Variants in ACSF3 observed in about 807,000 individuals in gnomAD.
ACSF3 encodes the protein acyl-CoA synthetase family member 3.
ACSF3 carries 78 observed loss-of-function variants against 53.2 expected under a neutral mutation model. The ratio of observed to expected loss-of-function variants is 1.47; its 90% CI spans 1.22 to 1.77. ACSF3 has a LOEUF of 1.77. Ranked by LOEUF, ACSF3 falls within the 40% of genes most tolerant of loss-of-function variation. The pLI is 0.00. For missense variants in ACSF3, 937 were observed against 771.1 expected (o/e 1.22, Z -2.55); for synonymous variants, 414 against 333.1 (o/e 1.24, Z -2.65).
At position 89,154,096 on chromosome 16, in the gene ACSF3, C is replaced by G. The variant is rs1188965752; in HGVS notation, c.1620C>G (p.Val540=). 6.2e-7 allele frequency: 1 copy of G among 1,612,566 alleles called. No individual in the cohort carries two copies. Among genetic ancestry groups the G allele is most frequent in the African/African-American group, 1.3e-5 (1 of 74,906 alleles). The change falls in exon 11 of 11, where the codon GTC becomes GTG. Residue 540 remains valine, a synonymous_variant. Transcript: ENST00000614302. The part of the protein sequence containing the change: ...HRELKEWARN[V]LAPYAVPSEL... ...GCTGTGCTTGTCTCTGCAGAAATGT[C>G]CTGGCCCCGTACGCGGTGCCCTCGG...
At position 89,101,289 on chromosome 16, in the gene ACSF3, G is replaced by T; in HGVS notation, c.608G>T (p.Ser203Ile). 1 of 1,603,112 alleles carries T rather than the reference G, an allele frequency of 6.2e-7. No homozygotes were observed. ...RNKGAMIIYT[S>I]GTTGRPKGVL... ...AAGGGCGCCATGATCATCTACACCA[G>T]TGGGACCACGGGGAGGCCCAAGGGC... Residue 203 changes from serine to isoleucine, a missense_variant, in exon 3 of 11, where the codon AGT (serine) becomes ATT (isoleucine). Ser to Ile is a moderately radical substitution (Grantham distance 142). Transcript: ENST00000614302.
At chr16:89,123,097 A>G (rs1907058657) in intron 7 of ACSF3, among the ~76,000 whole-genome samples, 2 of 152,136 alleles carry the variant, frequency 1.3e-5, no homozygotes, top group South Asian at 4.1e-4. Context: ...CAGGCCCGGG[A>G]ACATTTCCAG....
rs1362903707 is a variant in ACSF3 at position 89,093,929 on chromosome 16, G to A, written c.-261G>A. 3 of 327,164 alleles carry A rather than the reference G, an allele frequency of 9.2e-6. No individual in the cohort carries two copies. Among genetic ancestry groups the A allele is most frequent in the South Asian group, 2.1e-5 (1 of 47,506 alleles). The allele number at this position is 327,164 out of a possible 1,614,324, so 20.3% of individuals were successfully genotyped here. On this transcript the variant is annotated 5_prime_UTR_variant, in exon 1 of 11. Transcript: ENST00000614302. ...GGAACCCGGCCCGACCCCGGCGCGC[G>A]CGCGGCGGAGGACGAGGAAGAGTTG...
intron 7 of ACSF3, among the ~76,000 whole-genome samples, chr16:89,131,114 T>C (rs149432430): frequency 0.013 from 1,825 of 137,928 alleles, 22 homozygotes; most frequent in Middle Eastern, 0.1. Context: ...TCTTTCTTTT[T>C]CTTTTTCTTT....
rs1415713198 is a variant in ACSF3, at chr16:89,101,287, C to A, written c.606C>A (p.Thr202=). Residue 202 remains threonine, a synonymous_variant, in exon 3 of 11, where the codon ACC becomes ACA. Transcript: ENST00000614302. ...ACAAGGGCGCCATGATCATCTACACCAGTGGGACCACGGGGAGGCCCAAGG... is the reference window on the plus strand; with the variant it reads ...ACAAGGGCGCCATGATCATCTACACAAGTGGGACCACGGGGAGGCCCAAGG... ...WRNKGAMIIY[T]SGTTGRPKGV... is the part of the protein sequence containing the mutation. The A allele has an allele frequency of 1.9e-6, 3 of 1,602,824 alleles. No homozygotes were observed. The Admixed American group carries it at 5.2e-5, about 28-fold the overall frequency.
chr16:89,101,221 G>T lies in ACSF3; in HGVS notation c.540G>T (p.Glu180Asp). The change falls in exon 3 of 11, where the codon GAG (glutamate) becomes GAT (aspartate). Residue 180 changes from glutamate to aspartate, a missense_variant. By Grantham distance (45) the Glu-to-Asp change is conservative. Coordinates refer to ENST00000614302, the MANE Select transcript of ACSF3 (RefSeq NM_001243279.3). ...CAGCCATCTACACTGGAGCAGTAGA[G>T]GAACCGGCAGAGGTCCCGGTCCCAG... The part of the protein sequence containing the change: ...LTPAIYTGAV[E>D]EPAEVPVPEQ... 6.2e-7 allele frequency: 1 copy of T among 1,602,748 alleles called. No homozygotes were observed.
At chr16:89,131,822 G>A (rs189570977) in intron 7 of ACSF3, among the ~76,000 whole-genome samples, 34 of 152,398 alleles carry the variant, frequency 2.2e-4, no homozygotes, top group Admixed American at 3.9e-4. Context: ...GATAAAGTCC[G>A]TGGTTTCTTT....
intron 7 of ACSF3, among the ~76,000 whole-genome samples, chr16:89,121,301 T>C (rs1014045091): frequency 6.6e-6 from 1 of 152,242 alleles, no homozygotes; most frequent in Non-Finnish European, 1.5e-5. Flanking sequence ...GTTAGAAATA[T>C]GAACTGGCCT....
rs756643778 is a variant in ACSF3, at chr16:89,133,303, G to T, written c.1366+41G>T. The T allele has an allele frequency of 5.0e-6, 8 of 1,612,706 alleles. No homozygotes were observed. The African/African-American group carries it at 1.1e-4, about 22-fold the overall frequency. ...ATGGGAGTGGAGGAGACCCCGAGGG[G>T]ACAGGCAGGAACTCATTGCTGCCCA... is the stretch of plus-strand genomic sequence containing the variant. On this transcript the variant is annotated intron_variant, in intron 8 of 10. Transcript: ENST00000614302.
At chr16:89,153,030 C>G (rs1914290316) in intron 10 of ACSF3, 1 of 152,466 alleles carries the variant, frequency 6.6e-6, no homozygotes, top group African/African-American at 2.4e-5. Context: ...CGGGCAGGGG[C>G]AGGTGGGCAG....
At chr16:89,148,375 C>A (rs1913501999) in intron 10 of ACSF3, 1 of 152,222 alleles carries the variant, frequency 6.6e-6, no homozygotes, top group African/African-American at 2.4e-5. Context: ...GCTGGAATTA[C>A]AGGCGTGAGC....
chr16:89,110,802 AC>A (rs1442390235), intron 4 of ACSF3, among the ~76,000 whole-genome samples: 3 of 152,058 alleles, frequency 2.0e-5, no homozygotes, highest in African/African-American at 7.2e-5. Context: ...GCCTCTCTCC[AC>A]CCGCTTATCT....
chr16:89,117,114 C>T (rs1905255309), intron 6 of ACSF3, among the ~76,000 whole-genome samples: 1 of 152,190 alleles, frequency 6.6e-6, no homozygotes, highest in Non-Finnish European at 1.5e-5. Context: ...GGGTAACGGG[C>T]TCTGGGCTTT....
chr16:89,141,765 C>T (rs1911803232), intron 8 of ACSF3, among the ~76,000 whole-genome samples: 2 of 152,140 alleles, frequency 1.3e-5, no homozygotes, highest in South Asian at 2.1e-4. Flanking sequence ...GAGAGCGGCA[C>T]CACCTTCTGA....
intron 10 of ACSF3, chr16:89,151,588 T>C: frequency 4.8e-6 from 1 of 209,404 alleles, no homozygotes; most frequent in Non-Finnish European, 9.7e-6. Flanking sequence ...TATTCAAAAA[T>C]CAGTCTGTGT....
intron 10 of ACSF3, chr16:89,149,644 G>C (rs1234056711): frequency 6.6e-6 from 1 of 152,256 alleles, no homozygotes; most frequent in Non-Finnish European, 1.5e-5. Flanking sequence ...ATTTTATTGA[G>C]CAATGAAACA....
Position 89,154,259 on chromosome 16 carries a change from A to G in ACSF3, c.*52A>G, listed in dbSNP as rs1914472675. 1 of 1,559,330 alleles carries G rather than the reference A, an allele frequency of 6.4e-7. No homozygotes were observed. Among genetic ancestry groups the G allele is most frequent in the South Asian group, 1.1e-5 (1 of 89,194 alleles). The stretch of plus-strand genomic sequence containing the variant: ...GTGGGGAGCAGCAGACGTCCCCTTC[A>G]CACCGAGAACCACGGGGGCCCGTCC... On this transcript the variant is annotated 3_prime_UTR_variant, in exon 11 of 11. Transcript: ENST00000614302.
At chr16:89,112,978 G>A (rs940799392) in intron 5 of ACSF3, among the ~76,000 whole-genome samples, 1 of 152,086 alleles carries the variant, frequency 6.6e-6, no homozygotes, top group African/African-American at 2.4e-5. Flanking sequence ...GGACAAGCTG[G>A]TCTTTTGGGC....
At position 89,102,742 on chromosome 16, in the gene ACSF3, G is replaced by C. The variant is rs1337470176; in HGVS notation, c.805G>C (p.Glu269Gln). The C allele has an allele frequency of 6.2e-7, 1 of 1,612,746 alleles. No homozygotes were observed. The highest frequency in any genetic ancestry group is 1.3e-5 in the African/African-American group (1 of 74,936). The change falls in exon 4 of 11, where the codon GAG becomes CAG. Residue 269 changes from glutamate (E) to glutamine (Q), a missense_variant. Glu to Gln is a conservative substitution (Grantham distance 29). Coordinates refer to ENST00000614302, the MANE Select transcript of ACSF3 (RefSeq NM_001243279.3). Reference sequence around the variant, plus strand: ...GGGAGCCACCTGTGTGATGATGCCTGAGTTCAGCCCTCAGCAGGTGAGTTG... The same window carrying C: ...GGGAGCCACCTGTGTGATGATGCCTCAGTTCAGCCCTCAGCAGGTGAGTTG... Reference protein sequence around the residue: ...WVGATCVMMPEFSPQQVWEKF... With the variant: ...WVGATCVMMPQFSPQQVWEKF...
Sources: gnomAD v4.1 joint callset for allele counts (sites outside exome capture counted in the v4.1 genomes callset) on GRCh38, gnomAD v4.1.1 for gene constraint, MANE v1.5 for transcripts, NCBI Gene and HGNC (gene_info 2026-07-23, HGNC 2026-07-21) for gene names.